HELB: variants seen among roughly 807,000 people sequenced by gnomAD.
HELB encodes DNA 5'-3' helicase B.
HELB carries 96 observed loss-of-function variants against 101.7 expected under a neutral mutation model. That is an observed-to-expected ratio of 0.94 (90% CI 0.80 to 1.12). HELB has a LOEUF of 1.12. Ranked by LOEUF, HELB falls within the 50% of genes most tolerant of loss-of-function variation. The probability of loss-of-function intolerance (pLI) is 0.00; values close to 1 mark genes in which losing one functional copy is unlikely to be tolerated. For missense variants in HELB, 1,210 were observed against 1,291.9 expected (o/e 0.94, Z 0.97); for synonymous variants, 437 against 459.7 (o/e 0.95, Z 0.63).
intron 2 of HELB, 118 bp from the exon 3 acceptor site, chr12:66,306,227 C>G: frequency 1.6e-6 from 1 of 639,460 alleles, no homozygotes; most frequent in Admixed American, 3.7e-5. Flanking sequence ...AGCAAGTGTA[C>G]TAATCTGTTT....
rs778443352 is a variant in HELB, at chr12:66,315,394, A to G, written c.2000+11A>G. On this transcript the variant is annotated intron_variant, in intron 6 of 12. Transcript: ENST00000247815. ...GGACAATGCTACAAGGTATAATATT[A>G]CTAAGAGTTTGCATTTTCTGTCTGT... The G allele has an allele frequency of 4.0e-6, 6 of 1,513,004 alleles. No individual in the cohort carries two copies. In the Admixed American group the frequency reaches 1.1e-4, roughly 28 times the overall value. The allele number at this position is 1,513,004 out of a possible 1,614,324, so 93.7% of individuals were successfully genotyped here. A position where few individuals can be genotyped will look rare whatever the true frequency, so the allele number is the denominator to read the frequency against.
Position 66,309,810 on chromosome 12 carries a change from A to C in HELB, c.882A>C (p.Ala294=), listed in dbSNP as rs748914213. ...TGATGACTGATTTGGAGAAGAATGC[A>C]TTAATAATGTATTCCAGACTGAAGC... ...LQLMTDLEKN[A]LIMYSRLKQI... Residue 294 remains alanine, a synonymous_variant, in exon 4 of 13, where the codon GCA becomes GCC. Coordinates refer to ENST00000247815, the MANE Select transcript of HELB (RefSeq NM_001370285.1). The C allele has an allele frequency of 6.2e-7, 1 of 1,614,120 alleles. No individual in the cohort carries two copies. Among genetic ancestry groups the C allele is most frequent in the Non-Finnish European group, 8.5e-7 (1 of 1,179,944 alleles).
chr12:66,322,838 GTT>G (rs34997562), intron 9 of HELB, 55 bp downstream of exon 9: 160 of 939,938 alleles, frequency 1.7e-4, no homozygotes, highest in South Asian at 2.6e-4. Flanking sequence ...CGATTTGCTG[GTT>G]TTTTTTTTTG....
chr12:66,315,585 T>C (rs1270165070), intron 6 of HELB, among the ~76,000 whole-genome samples: 1 of 152,200 alleles, frequency 6.6e-6, no homozygotes, highest in East Asian at 1.9e-4. Context: ...TAAGTTATTA[T>C]TGAAATTTAA....
chr12:66,330,608 T>C (rs1357946415), intron 11 of HELB, among the ~76,000 whole-genome samples: 1 of 148,468 alleles, frequency 6.7e-6, no homozygotes, highest in Admixed American at 6.7e-5. Context: ...AATGTGGCTT[T>C]AAAGTATCTC....
chr12:66,322,645 T>TA (rs2053684334), intron 8 of HELB, 79 bp from the exon 9 acceptor site: 1 of 774,384 alleles, frequency 1.3e-6, no homozygotes, highest in East Asian at 2.7e-5. Flanking sequence ...TAGAATCTAG[T>TA]ATGTCATAAT....
chr12:66,322,080 TA>T (rs772633333), intron 8 of HELB, 51 bp downstream of exon 8: 2 of 704,252 alleles, frequency 2.8e-6, no homozygotes, highest in East Asian at 2.8e-5. Context: ...TTAAATCTCA[TA>T]ACTTATTAAT....
chr12:66,326,020 G>A (rs1181530439), intron 11 of HELB, among the ~76,000 whole-genome samples: 1 of 152,216 alleles, frequency 6.6e-6, no homozygotes, highest in East Asian at 1.9e-4. Context: ...TACTATTGCT[G>A]TAAGACTGCT....
Position 66,318,759 on chromosome 12 carries a change from A to C in HELB, c.2122A>C (p.Ser708Arg). ...IFVRLPEEDASSQSSKTNHHS... is the reference protein window; with the variant it reads ...IFVRLPEEDARSQSSKTNHHS... ...TGTCAGGCTCCCAGAAGAGGATGCC[A>C]GTTCTCAGTCATCTAAAACTAATCA... Residue 708 changes from serine (S) to arginine (R), a missense_variant, in exon 7 of 13, where the codon AGT (serine) becomes CGT (arginine). Around this residue, in one of 2 missense-constraint regions of HELB, gnomAD observed 740 missense variants for 728.8 expected, o/e 1.02. Coordinates refer to ENST00000247815, the MANE Select transcript of HELB (RefSeq NM_001370285.1). 6.2e-7 allele frequency: 1 copy of C among 1,610,070 alleles called. No homozygotes were observed.
At chr12:66,326,575 G>A (rs765456942) in intron 11 of HELB, among the ~76,000 whole-genome samples, 1 of 151,992 alleles carries the variant, frequency 6.6e-6, no homozygotes, top group East Asian at 1.9e-4. Flanking sequence ...ATTTAGGTCA[G>A]CCCAAATTTT....
chr12:66,323,955 G>T lies in HELB; in HGVS notation c.2298-28G>T. 3 of 1,469,522 alleles carry T rather than the reference G, an allele frequency of 2.0e-6. No homozygotes were observed. The South Asian group carries it at 3.4e-5, about 17-fold the overall frequency. The allele number at this position is 1,469,522 out of a possible 1,614,324, so 91.0% of individuals were successfully genotyped here. A position where few individuals can be genotyped will look rare whatever the true frequency, so the allele number is the denominator to read the frequency against. The stretch of plus-strand genomic sequence containing the variant: ...GTGAAACGGAGACTTTCCAAACTTT[G>T]ATTATATATTATCATTTTCTATCCC... On this transcript the variant is annotated intron_variant, in intron 9 of 12. Transcript: ENST00000247815.
chr12:66,340,166 C>G (rs1412366906), downstream of HELB: 1 of 152,150 alleles, frequency 6.6e-6, no homozygotes, highest in Admixed American at 6.5e-5. Context: ...TATGGTAACT[C>G]TATGTTTAAC....
intron 9 of HELB, 56 bp from the exon 10 acceptor site, chr12:66,323,927 C>G: frequency 8.7e-7 from 1 of 1,150,262 alleles, no homozygotes; most frequent in Admixed American, 1.8e-5. Context: ...AATGTTTGAA[C>G]AAGTGAAACG....
At position 66,314,110 on chromosome 12, in the gene HELB, C is replaced by G; in HGVS notation, c.1805C>G (p.Ser602Trp). The G allele has an allele frequency of 1.9e-6, 3 of 1,613,708 alleles. No homozygotes were observed. Among genetic ancestry groups the G allele is most frequent in the Non-Finnish European group, 2.5e-6 (3 of 1,179,724 alleles). ...TTGGTATCTGTAGGAATCTTCAAAT[C>G]GGTCTTAAATTTATTGTGTGAGCAC... ...GSLVSVGIFKSVLNLLCEHSK... is the reference protein window; with the variant it reads ...GSLVSVGIFKWVLNLLCEHSK... Residue 602 changes from serine (S) to tryptophan (W), a missense_variant, in exon 5 of 13, where the codon TCG becomes TGG. Coordinates refer to ENST00000247815, the MANE Select transcript of HELB (RefSeq NM_001370285.1).
At chr12:66,326,647 T>G (rs2053741293) in intron 11 of HELB, among the ~76,000 whole-genome samples, 1 of 152,102 alleles carries the variant, frequency 6.6e-6, no homozygotes, top group Admixed American at 6.6e-5. Context: ...TGGGTGGGGC[T>G]TTATTTATTA....
chr12:66,337,721 GGGCCCTGTC>G (rs1217896633), intron 12 of HELB, among the ~76,000 whole-genome samples: 2 of 152,042 alleles, frequency 1.3e-5, no homozygotes, highest in East Asian at 3.9e-4. Flanking sequence ...ATTATGTAGT[GGGCCCTGTC>G]TACACCTTTA....
rs185306811 is a variant in HELB, at chr12:66,325,496, G to A, written c.2670+370G>A. 4.4e-3 allele frequency among the ~76,000 whole-genome samples: 670 copies of A among 152,192 alleles called. 1 individual carries two copies. Among genetic ancestry groups the A allele is most frequent in the Non-Finnish European group, 7.1e-3 (481 of 68,012 alleles). ...ATTTACAAAACTGTTACATTAAAATGTCTTGATTTATCTTGATTGCTGAGT... is the reference window on the plus strand; with the variant it reads ...ATTTACAAAACTGTTACATTAAAATATCTTGATTTATCTTGATTGCTGAGT... On this transcript the variant is annotated intron_variant, in intron 11 of 12. Coordinates refer to ENST00000247815, the MANE Select transcript of HELB (RefSeq NM_001370285.1).
At position 66,310,387 on chromosome 12, in the gene HELB, C is replaced by G. The variant is rs754676652; in HGVS notation, c.1459C>G (p.Arg487Gly). 1 of 1,613,982 alleles carries G rather than the reference C, an allele frequency of 6.2e-7. No individual in the cohort carries two copies. The highest frequency in any genetic ancestry group is 1.7e-5 in the Admixed American group (1 of 59,984). Reference protein sequence around the residue: ...GGCGKTTIVSRLFKHIEQLEE... With the variant: ...GGCGKTTIVSGLFKHIEQLEE... ...ATGTGGGAAGACCACAATCGTTAGC[C>G]GTCTTTTTAAGCATATAGAGCAGTT... Residue 487 changes from arginine to glycine, a missense_variant, in exon 4 of 13, where the codon CGT becomes GGT. By Grantham distance (125) the Arg-to-Gly change is moderately radical. Transcript: ENST00000247815.
chr12:66,343,632 A>G (rs1236718667), exon 14 of HELB: 2 of 152,166 alleles, frequency 1.3e-5, no homozygotes, highest in African/African-American at 4.8e-5. Flanking sequence ...TAAATTTACA[A>G]TGCTCTTTGT....
Sources: allele counts gnomAD v4.1 joint callset (sites outside exome capture counted in the v4.1 genomes callset), GRCh38; gene constraint gnomAD v4.1.1; regional missense constraint gnomAD v4.1.1; transcripts MANE v1.5; gene names NCBI Gene and HGNC (gene_info 2026-07-23, HGNC 2026-07-21).